The following ARID3A variants were observed in gnomAD, a reference collection of about 807,000 sequenced individuals.
The protein encoded by ARID3A is AT-rich interactive domain-containing protein 3A.
A neutral mutation model predicts 52.7 loss-of-function variants in ARID3A; 11 were observed. The ratio of observed to expected loss-of-function variants is 0.21; its 90% CI spans 0.13 to 0.35. The LOEUF (loss-of-function observed/expected upper bound fraction) is 0.35, where lower values mean the gene tolerates loss of function less well. Ranked by LOEUF, ARID3A falls within the 10% of genes least tolerant of loss-of-function variation. The pLI is 1.00. For synonymous variants in ARID3A, 404 were observed against 359.4 expected, an observed-to-expected ratio of 1.12 and a Z score of -1.40; for missense variants, 721 against 838.5, an observed-to-expected ratio of 0.86 and a Z score of 1.73.
chr19:928,424 GCCGT>G (rs2037246002), intron 1 of ARID3A: 1 of 152,148 alleles, frequency 6.6e-6, no homozygotes, highest in Non-Finnish European at 1.5e-5. Context: ...TGAGTGTGTT[GCCGT>G]CCGAGACATC....
chr19:975,206 T>C lies in ARID3A; in HGVS notation c.*3141T>C, dbSNP rs1461352109. ...GGACCCTGGATGGGTTCTAGTTCAC[T>C]TGGGACCGTGGGGCCTGGCTGCGTA... On this transcript the variant is annotated 3_prime_UTR_variant, in exon 9 of 9. Transcript: ENST00000263620. 4.3e-6 allele frequency: 1 copy of C among 231,236 alleles called. No individual in the cohort carries two copies. Among genetic ancestry groups the C allele is most frequent in the Non-Finnish European group, 8.6e-6 (1 of 116,902 alleles). 14.3% of individuals were successfully genotyped at this position (231,236 alleles called of 1,614,324 possible). A position where few individuals can be genotyped will look rare whatever the true frequency, so the allele number is the denominator to read the frequency against.
At chr19:937,577 T>G (rs1423562092) in intron 3 of ARID3A, among the ~76,000 whole-genome samples, 1 of 151,938 alleles carries the variant, frequency 6.6e-6, no homozygotes, top group Admixed American at 6.6e-5. Context: ...TGCTGGTGAC[T>G]CCATATTCAC....
chr19:973,104 A>ATTTTTTTTTTTTTGTTTTTTTTT lies in ARID3A; in HGVS notation c.*1052_*1053insGTTTTTTTTTTTTTTTTTTTTTT, dbSNP rs2038315295. 1.9e-5 allele frequency: 1 copy of ATTTTTTTTTTTTTGTTTTTTTTT among 53,488 alleles called. No homozygotes were observed. The highest frequency in any genetic ancestry group is 3.4e-5 in the Non-Finnish European group (1 of 29,006). The allele number at this position is 53,488 out of a possible 1,614,324, so 3.3% of individuals were successfully genotyped here. A position where few individuals can be genotyped will look rare whatever the true frequency, so the allele number is the denominator to read the frequency against. On this transcript the variant is annotated 3_prime_UTR_variant, in exon 9 of 9. Coordinates refer to ENST00000263620, the MANE Select transcript of ARID3A (RefSeq NM_005224.3). ...GGGCTCTCGAGTCAGGGGCCTGGAA[A>ATTTTTTTTTTTTTGTTTTTTTTT]TTTTTTTTTTTTTTTTTTTTTGAGA...
chr19:969,498 T>C (rs898088971), intron 8 of ARID3A, among the ~76,000 whole-genome samples: 1 of 148,458 alleles, frequency 6.7e-6, no homozygotes, highest in Admixed American at 6.7e-5. Flanking sequence ...GATCACACCA[T>C]TGCACTCCAG....
chr19:970,618 G>T (rs2038258653), intron 8 of ARID3A, among the ~76,000 whole-genome samples: 1 of 150,012 alleles, frequency 6.7e-6, no homozygotes, highest in South Asian at 2.1e-4. Context: ...GGGATTACAG[G>T]TGCATGCCAC....
Position 941,730 on chromosome 19 carries a change from G to A in ARID3A, c.693+8988G>A, listed in dbSNP as rs1174482928. 6.6e-6 allele frequency among the ~76,000 whole-genome samples: 1 copy of A among 152,072 alleles called. No individual in the cohort carries two copies. Among genetic ancestry groups the A allele is most frequent in the African/African-American group, 2.4e-5 (1 of 41,412 alleles). On this transcript the variant is annotated intron_variant, in intron 3 of 8. Transcript: ENST00000263620. The surrounding 1 kb of genome is among the most constrained non-coding windows in gnomAD (Gnocchi z 6.9). The stretch of plus-strand genomic sequence containing the variant: ...GTCTCTGAAAGTGCTGGGATTACAG[G>A]CGTGAGCTGCTGTGCCGGACTGGTC...
rs1441791070 is a variant in ARID3A, at chr19:941,144, AAC to A, written c.693+8407_693+8408del. ...CCGGCCCCGCCCCATGCTTTCTAAT[AAC>A]ACACGCGGCAGCCCGAGGGAGCGGT... On this transcript the variant is annotated intron_variant, in intron 3 of 8. Transcript: ENST00000263620. This position sits in a 1 kb window ranked among gnomAD's most constrained non-coding sequence, Gnocchi z 6.9. 3.3e-5 allele frequency among the ~76,000 whole-genome samples: 5 copies of A among 152,208 alleles called. No homozygotes were observed. Among genetic ancestry groups the A allele is most frequent in the Non-Finnish European group, 2.9e-5 (2 of 67,982 alleles).
At chr19:934,142 G>A (rs1185617719) in intron 3 of ARID3A, among the ~76,000 whole-genome samples, 1 of 152,166 alleles carries the variant, frequency 6.6e-6, no homozygotes, top group East Asian at 1.9e-4. Context: ...CCCTGGGCTG[G>A]AGGGGCGGGC....
chr19:952,923 C>CCCTGTGACCTTGGGCACTGCCCA (rs1014547608), intron 3 of ARID3A, among the ~76,000 whole-genome samples: 8 of 152,112 alleles, frequency 5.3e-5, no homozygotes, highest in Admixed American at 2.6e-4. Context: ...ACCATAGCCC[C>CCCTGTGACCTTGGGCACTGCCCA]CCTGTGACCT....
chr19:967,689 T>TA (rs1347464155), intron 7 of ARID3A, among the ~76,000 whole-genome samples: 1 of 152,214 alleles, frequency 6.6e-6, no homozygotes, highest in Non-Finnish European at 1.5e-5. Context: ...CTTGTAAAGC[T>TA]AAAATCTAGT....
chr19:966,503 G>A, intron 6 of ARID3A, 69 bp from the exon 7 acceptor site: 1 of 1,197,434 alleles, frequency 8.4e-7, no homozygotes, highest in Non-Finnish European at 1.2e-6. Context: ...GAAGGTGCAT[G>A]TTCCTGCCTT....
At chr19:928,243 T>C (rs916480864) in intron 1 of ARID3A, 3 of 151,940 alleles carry the variant, frequency 2.0e-5, no homozygotes, top group Admixed American at 2.0e-4. Flanking sequence ...CCCTCTGGGG[T>C]GTCACTCCAG....
At position 944,166 on chromosome 19, in the gene ARID3A, GC is replaced by G. The variant is rs1193307169; in HGVS notation, c.693+11426del. Among the ~76,000 whole-genome samples the G allele has an allele frequency of 2.6e-5, 4 of 152,204 alleles. No homozygotes were observed. Among genetic ancestry groups the G allele is most frequent in the Non-Finnish European group, 2.9e-5 (2 of 68,046 alleles). On this transcript the variant is annotated intron_variant, in intron 3 of 8. Transcript: ENST00000263620. This position sits in a 1 kb window ranked among gnomAD's most constrained non-coding sequence, Gnocchi z 5.9. ...CGGGGCACCTGCTGTATGCCAGCCTGCCTGCGTACTGGGGACACAGCCGTGC... is the reference window on the plus strand; with the variant it reads ...CGGGGCACCTGCTGTATGCCAGCCTGCTGCGTACTGGGGACACAGCCGTGC...
At chr19:940,755 C>T (rs889280038) in intron 3 of ARID3A, among the ~76,000 whole-genome samples, 2 of 152,108 alleles carry the variant, frequency 1.3e-5, no homozygotes, top group Non-Finnish European at 2.9e-5. Context: ...AGCCCTGGTG[C>T]CGGCGTCTTC....
intron 3 of ARID3A, among the ~76,000 whole-genome samples, chr19:945,830 C>G (rs2037667666): frequency 6.6e-6 from 1 of 152,170 alleles, no homozygotes; most frequent in African/African-American, 2.4e-5. Context: ...CGTTTCTGTT[C>G]AGAGAACCTG....
intron 3 of ARID3A, among the ~76,000 whole-genome samples, chr19:951,691 G>T (rs2037806217): frequency 6.6e-6 from 1 of 152,234 alleles, no homozygotes; most frequent in Non-Finnish European, 1.5e-5. Context: ...CGCCTGGGAG[G>T]CTCAGGCTGC....
intron 3 of ARID3A, among the ~76,000 whole-genome samples, chr19:946,720 C>T (rs1195610738): frequency 1.3e-5 from 2 of 151,924 alleles, no homozygotes; most frequent in Non-Finnish European, 1.5e-5. Flanking sequence ...GGATTACAGG[C>T]GTGAGCCACC....
chr19:968,589 C>A, intron 8 of ARID3A, 86 bp downstream of exon 8: 1 of 1,289,008 alleles, frequency 7.8e-7, no homozygotes, highest in Non-Finnish European at 1.1e-6. Flanking sequence ...CTGGTCCCAC[C>A]TGCTTGAACC....
intron 3 of ARID3A, among the ~76,000 whole-genome samples, chr19:948,202 C>G (rs918176027): frequency 2.0e-5 from 3 of 151,386 alleles, no homozygotes; most frequent in Admixed American, 6.6e-5. Context: ...CCGGGAAGTC[C>G]GGGCCCTTTT....
Sources: allele counts gnomAD v4.1 joint callset (sites outside exome capture counted in the v4.1 genomes callset), GRCh38; gene constraint gnomAD v4.1.1; non-coding constraint Gnocchi (gnomAD v3.1); transcripts MANE v1.5; gene names NCBI Gene and HGNC (gene_info 2026-07-23, HGNC 2026-07-21).